The following SMC3 variants were observed in gnomAD, a reference collection of about 807,000 sequenced individuals.
SMC3 encodes the protein structural maintenance of chromosomes 3.
Under a neutral mutation model 171.8 loss-of-function variants are expected in SMC3, and 20 were observed. The ratio of observed to expected loss-of-function variants is 0.12; its 90% confidence interval spans 0.08 to 0.17. SMC3 has a LOEUF of 0.17. Among genes scored for constraint, SMC3 ranks in the 10% least tolerant of loss-of-function variants. The pLI is 1.00. For synonymous variants in SMC3, 464 were observed against 451.1 expected (o/e 1.03, Z -0.36); for missense variants, 543 against 1,420.4 (o/e 0.38, Z 9.93).
chr10:110,599,493 T>C (rs1861354595), intron 20 of SMC3, among the ~76,000 whole-genome samples, 161 bp from the exon 21 acceptor site: 1 of 152,200 alleles, frequency 6.6e-6, no homozygotes, highest in African/African-American at 2.4e-5. Context: ...ACATCATATT[T>C]TTCTTGTTGC....
At chr10:110,591,801 A>T (rs867174683) in intron 17 of SMC3, among the ~76,000 whole-genome samples, 1 of 152,242 alleles carries the variant, frequency 6.6e-6, no homozygotes, top group South Asian at 2.1e-4. Flanking sequence ...TAAGTGGAAC[A>T]TTAAGAATCT....
chr10:110,573,372 A>G (rs1351385143), intron 2 of SMC3, among the ~76,000 whole-genome samples: 1 of 152,048 alleles, frequency 6.6e-6, no homozygotes, highest in Non-Finnish European at 1.5e-5. Flanking sequence ...TTAAACATAT[A>G]TAGTTAAAAT....
intron 1 of SMC3, among the ~76,000 whole-genome samples, chr10:110,568,119 G>A (rs1487252253): frequency 6.6e-6 from 1 of 152,142 alleles, no homozygotes; most frequent in Admixed American, 6.5e-5. Flanking sequence ...GCCGCTGGGA[G>A]GGACTGGGCC....
chr10:110,585,210 C>G (rs1861090830), intron 13 of SMC3, among the ~76,000 whole-genome samples: 1 of 151,124 alleles, frequency 6.6e-6, no homozygotes, highest in Non-Finnish European at 1.5e-5. Context: ...AAACTCCCAA[C>G]CTCAGGTGAT....
At chr10:110,579,400 A>C (rs145261370) in intron 7 of SMC3, among the ~76,000 whole-genome samples, 235 of 152,232 alleles carry the variant, frequency 1.5e-3, no homozygotes, top group African/African-American at 5.5e-3. Context: ...GTGGGAGATA[A>C]ATTTTTTTAA....
rs763038690 is a variant in SMC3 at position 110,593,114 on chromosome 10, A to G, written c.1854A>G (p.Arg618=). ...PMISKLRYNP[R]FDKAFKHVFG... ...TCAGCAAACTGAGGTACAATCCCAG[A>G]TTTGACAAAGCTTTCAAACATGTGT... The change falls in exon 18 of 29, where the codon AGA becomes AGG. Residue 618 remains arginine (R), a synonymous_variant. Transcript: ENST00000361804. The G allele has an allele frequency of 2.7e-5, 43 of 1,613,960 alleles. No individual in the cohort carries two copies. The South Asian group carries it at 4.5e-4, about 17-fold the overall frequency.
At chr10:110,594,428 C>CT (rs1241099815) in intron 18 of SMC3, among the ~76,000 whole-genome samples, 4 of 152,064 alleles carry the variant, frequency 2.6e-5, no homozygotes, top group African/African-American at 7.2e-5. Flanking sequence ...ATTTTGACAT[C>CT]TGACAAGTGT....
intron 2 of SMC3, among the ~76,000 whole-genome samples, chr10:110,571,333 T>G (rs1166512402): frequency 2.0e-5 from 3 of 152,304 alleles, no homozygotes; most frequent in Middle Eastern, 3.4e-3. Flanking sequence ...TGGTCATAGA[T>G]TTCTAAAGAA....
rs1237506220 is a variant in SMC3, at chr10:110,600,882, A to G, written c.2536-140A>G. 1.5e-5 allele frequency: 10 copies of G among 660,794 alleles called. No individual in the cohort carries two copies. In the South Asian group the frequency reaches 1.8e-4, roughly 12 times the overall value. 40.9% of individuals were successfully genotyped at this position (660,794 alleles called of 1,614,324 possible). A position where few individuals can be genotyped will look rare whatever the true frequency, so the allele number is the denominator to read the frequency against. On this transcript the variant is annotated intron_variant, in intron 22 of 28. Coordinates refer to ENST00000361804, the MANE Select transcript of SMC3 (RefSeq NM_005445.4). ...TTGTGTCTTTTTTTTCTTCCCTTTA[A>G]TGGATACTTCTAAGTATTTGTAATT...
chr10:110,589,186 G>T lies in SMC3; in HGVS notation c.1306-419G>T, dbSNP rs559239475. On this transcript the variant is annotated intron_variant, in intron 13 of 28. Coordinates refer to ENST00000361804, the MANE Select transcript of SMC3 (RefSeq NM_005445.4). ...GGGCGGATCATGAGGTCAGGAGATC[G>T]AGACCATCCTGGCTAACACGGTGAA... Among the ~76,000 whole-genome samples the T allele has an allele frequency of 3.9e-5, 6 of 152,086 alleles. No homozygotes were observed. The South Asian group carries it at 1.0e-3, about 26-fold the overall frequency.
At chr10:110,586,898 C>T (rs1186556921) in intron 13 of SMC3, among the ~76,000 whole-genome samples, 1 of 152,182 alleles carries the variant, frequency 6.6e-6, no homozygotes, top group Non-Finnish European at 1.5e-5. Context: ...CTCAGGTGAT[C>T]CGCCCACCTG....
In SMC3 at chr10:110,603,299, AT is replaced by A; in HGVS notation, c.3582+13del. On this transcript the variant is annotated intron_variant, in intron 28 of 28. Transcript: ENST00000361804. Reference sequence around the variant, plus strand: ...TAAAGTTCAGAAATAAGGTAATTTTATTTTACATTGAGTTTAAGTTTGTATT... The same window carrying A: ...TAAAGTTCAGAAATAAGGTAATTTTATTTACATTGAGTTTAAGTTTGTATT... 1.3e-6 allele frequency: 2 copies of A among 1,482,792 alleles called. No individual in the cohort carries two copies. Among genetic ancestry groups the A allele is most frequent in the Non-Finnish European group, 1.9e-6 (2 of 1,062,852 alleles). The allele number at this position is 1,482,792 out of a possible 1,614,324, so 91.9% of individuals were successfully genotyped here.
Position 110,590,428 on chromosome 10 carries a change from T to C in SMC3, c.1526T>C (p.Ile509Thr), listed in dbSNP as rs762645837. Residue 509 changes from isoleucine to threonine, a missense_variant, in exon 16 of 29, where the codon ATA becomes ACA. By Grantham distance (89) the Ile-to-Thr change is moderately conservative (BLOSUM62 -1). Around this residue, in one of 8 missense-constraint regions of SMC3, gnomAD observed 218 missense variants for 509.6 expected, o/e 0.43. Transcript: ENST00000361804. ...AACTTACAGGCCATTTTAAATGGAATAGACAGCATAAACAAAGTGCTAGAC... is the reference window on the plus strand; with the variant it reads ...AACTTACAGGCCATTTTAAATGGAACAGACAGCATAAACAAAGTGCTAGAC... ...AATGKAILNG[I>T]DSINKVLDHF... The C allele has an allele frequency of 2.5e-6, 4 of 1,613,942 alleles. No homozygotes were observed. Among genetic ancestry groups the C allele is most frequent in the East Asian group, 2.2e-5 (1 of 44,858 alleles).
At chr10:110,571,490 T>A (rs1439054863) in intron 2 of SMC3, among the ~76,000 whole-genome samples, 1 of 152,256 alleles carries the variant, frequency 6.6e-6, no homozygotes, top group Non-Finnish European at 1.5e-5. Context: ...CAAAGTTTTC[T>A]ACATCTGGCA....
chr10:110,592,106 A>G (rs925022987), intron 17 of SMC3, among the ~76,000 whole-genome samples: 2 of 152,152 alleles, frequency 1.3e-5, no homozygotes, highest in Non-Finnish European at 2.9e-5. Context: ...TCTACTAAAA[A>G]TACAAAAAAT....
intron 17 of SMC3, among the ~76,000 whole-genome samples, chr10:110,592,657 A>G (rs1274670118): frequency 2.0e-5 from 3 of 152,210 alleles, no homozygotes; most frequent in Non-Finnish European, 2.9e-5. Context: ...GAGAGATACT[A>G]TCGTAAGTTT....
At position 110,599,490 on chromosome 10, in the gene SMC3, A is replaced by C. The variant is rs558050806; in HGVS notation, c.2269-164A>C. 3.5e-4 allele frequency among the ~76,000 whole-genome samples: 53 copies of C among 152,224 alleles called. 1 individual carries two copies. In the South Asian group the frequency reaches 9.5e-3, roughly 27 times the overall value. The stretch of plus-strand genomic sequence containing the variant: ...TGCCCCACCTATACTATTACATCAT[A>C]TTTTTCTTGTTGCTAGAGTCCTAAT... On this transcript the variant is annotated intron_variant, in intron 20 of 28. Coordinates refer to ENST00000361804, the MANE Select transcript of SMC3 (RefSeq NM_005445.4).
intron 18 of SMC3, 127 bp downstream of exon 18, chr10:110,593,350 T>C (rs964880375): frequency 4.5e-6 from 4 of 890,270 alleles, no homozygotes; most frequent in Admixed American, 4.2e-5. Flanking sequence ...GGCGGGTGGA[T>C]CACCTGAAGT....
In SMC3 at chr10:110,586,891, A is replaced by T. The variant is rs1379483791; in HGVS notation, c.1305+2495A>T. ...AGGCTGTTCTCGAACTCCTGACCTC[A>T]GGTGATCCGCCCACCTGAGCCTCCC... On this transcript the variant is annotated intron_variant, in intron 13 of 28. Transcript: ENST00000361804. Among the ~76,000 whole-genome samples the T allele has an allele frequency of 4.6e-5, 7 of 152,240 alleles. No homozygotes were observed. In the East Asian group the frequency reaches 1.4e-3, roughly 29 times the overall value.
Sources: allele counts gnomAD v4.1 joint callset (sites outside exome capture counted in the v4.1 genomes callset), GRCh38; gene constraint gnomAD v4.1.1; regional missense constraint gnomAD v4.1.1; transcripts MANE v1.5; gene names NCBI Gene and HGNC (gene_info 2026-07-23, HGNC 2026-07-21).